The following GPC6 variants were observed in gnomAD, a reference collection of about 807,000 sequenced individuals.
The protein encoded by GPC6 is glypican 6, also known as glypican-6.
GPC6 carries 14 observed loss-of-function variants against 55.2 expected under a neutral mutation model. That is an observed-to-expected ratio of 0.25 (90% CI 0.17 to 0.40). GPC6 has a LOEUF of 0.40. Ranked by LOEUF, GPC6 falls within the 10% of genes least tolerant of loss-of-function variation. The pLI is 1.00. For missense variants in GPC6, 641 were observed against 708.5 expected (o/e 0.90, Z 1.08); for synonymous variants, 278 against 259.6 (o/e 1.07, Z -0.68).
chr13:93,581,907 TATC>T (rs1312286954), intron 2 of GPC6, among the ~76,000 whole-genome samples: 6 of 152,272 alleles, frequency 3.9e-5, no homozygotes, highest in Admixed American at 6.5e-5. Context: ...AGAGGCATGG[TATC>T]ATGAAATTGT....
At chr13:93,789,642 T>TATATAG (rs1885963542) in intron 2 of GPC6, among the ~76,000 whole-genome samples, 1 of 114,280 alleles carries the variant, frequency 8.8e-6, no homozygotes, top group Non-Finnish European at 1.8e-5. Flanking sequence ...TATATATATA[T>TATATAG]ATAGTATTCG....
At chr13:93,718,209 T>G (rs1883321169) in intron 2 of GPC6, among the ~76,000 whole-genome samples, 1 of 152,014 alleles carries the variant, frequency 6.6e-6, no homozygotes, top group Admixed American at 6.6e-5. Context: ...ATGGTTGAAC[T>G]AATTTACACT....
At chr13:94,393,171 G>A (rs1169090399) in intron 7 of GPC6, among the ~76,000 whole-genome samples, 1 of 152,156 alleles carries the variant, frequency 6.6e-6, no homozygotes, top group Non-Finnish European at 1.5e-5. Flanking sequence ...AACCACATGT[G>A]TTTCAGAATC....
At chr13:94,339,780 T>TTTTTG (rs1877931990) in intron 6 of GPC6, among the ~76,000 whole-genome samples, 1 of 125,704 alleles carries the variant, frequency 8.0e-6, no homozygotes, top group African/African-American at 2.8e-5. Context: ...TTTTTTTTTT[T>TTTTTG]GAGACAGAGT....
At chr13:94,015,424 C>A (rs994938485) in intron 3 of GPC6, among the ~76,000 whole-genome samples, 28 of 152,234 alleles carry the variant, frequency 1.8e-4, no homozygotes, top group African/African-American at 6.3e-4. Context: ...ATACTAGACT[C>A]TTATCAGATA....
chr13:93,496,139 A>C (rs1036485339), intron 1 of GPC6, among the ~76,000 whole-genome samples: 8 of 152,086 alleles, frequency 5.3e-5, no homozygotes, highest in African/African-American at 1.7e-4. Flanking sequence ...GCCTCCTTGC[A>C]GTTTGATCTC....
intron 2 of GPC6, among the ~76,000 whole-genome samples, chr13:93,554,532 A>G (rs568554387): frequency 6.6e-6 from 1 of 152,330 alleles, no homozygotes; most frequent in Non-Finnish European, 1.5e-5. Flanking sequence ...AATAAGGAAA[A>G]TATCCAAACC....
chr13:94,132,614 G>A (rs1887040691), intron 4 of GPC6, among the ~76,000 whole-genome samples: 1 of 152,034 alleles, frequency 6.6e-6, no homozygotes, highest in South Asian at 2.1e-4. Context: ...CAGCCTCCTG[G>A]GTCTTTAATA....
At chr13:93,504,078 A>G (rs138361863) in intron 1 of GPC6, among the ~76,000 whole-genome samples, 3 of 152,190 alleles carry the variant, frequency 2.0e-5, no homozygotes, top group Non-Finnish European at 4.4e-5. Flanking sequence ...TTTTCAAACT[A>G]TAAAGAAAGA....
At chr13:94,276,625 T>C (rs1342274589) in intron 4 of GPC6, among the ~76,000 whole-genome samples, 1 of 152,158 alleles carries the variant, frequency 6.6e-6, no homozygotes, top group Non-Finnish European at 1.5e-5. Context: ...GTGTTTGTTG[T>C]TCCCCTTCCT....
At chr13:93,348,006 A>T (rs1880488194) in intron 1 of GPC6, among the ~76,000 whole-genome samples, 1 of 152,210 alleles carries the variant, frequency 6.6e-6, no homozygotes, top group Non-Finnish European at 1.5e-5. Flanking sequence ...TACAGTTTTA[A>T]AGCCCCTTGA....
intron 1 of GPC6, among the ~76,000 whole-genome samples, chr13:93,402,608 C>G (rs1216342064): frequency 6.6e-6 from 1 of 152,196 alleles, no homozygotes; most frequent in Non-Finnish European, 1.5e-5. Context: ...CTACACCGTA[C>G]TGACAGTAGC....
At chr13:94,324,024 G>A (rs183766956) in intron 6 of GPC6, among the ~76,000 whole-genome samples, 10 of 152,274 alleles carry the variant, frequency 6.6e-5, no homozygotes, top group African/African-American at 2.4e-4. Context: ...CTGGCTTCCG[G>A]CATTGTTGTC....
At chr13:94,253,605 A>G (rs767282039) in intron 4 of GPC6, among the ~76,000 whole-genome samples, 2 of 152,074 alleles carry the variant, frequency 1.3e-5, no homozygotes, top group Non-Finnish European at 2.9e-5. Flanking sequence ...TGAATCTGTA[A>G]TCTTGGTACA....
intron 3 of GPC6, among the ~76,000 whole-genome samples, chr13:93,836,676 A>T (rs1887743757): frequency 6.6e-6 from 1 of 152,198 alleles, no homozygotes; most frequent in Non-Finnish European, 1.5e-5. Context: ...CTGCTGTCTT[A>T]TGATGGTATT....
Position 94,328,801 on chromosome 13 carries a change from C to T in GPC6, c.1152+22678C>T, listed in dbSNP as rs375519275. Among the ~76,000 whole-genome samples, 5 of 152,330 alleles carry T rather than the reference C, an allele frequency of 3.3e-5. No individual in the cohort carries two copies. The East Asian group carries it at 9.7e-4, about 29-fold the overall frequency. ...GGGCAGCCTGCTGTGGGAGGAGATG[C>T]TGGCTGGGGAGCCCCTGCATCACTA... is the stretch of plus-strand genomic sequence containing the variant. On this transcript the variant is annotated intron_variant, in intron 6 of 8. Coordinates refer to ENST00000377047, the MANE Select transcript of GPC6 (RefSeq NM_005708.5).
chr13:94,335,232 A>G (rs1877619852), intron 6 of GPC6, among the ~76,000 whole-genome samples: 1 of 152,230 alleles, frequency 6.6e-6, no homozygotes, highest in African/African-American at 2.4e-5. Context: ...AGATAAGGTG[A>G]TAGAGAGGAT....
At chr13:93,752,579 T>C (rs1884635560) in intron 2 of GPC6, among the ~76,000 whole-genome samples, 1 of 152,184 alleles carries the variant, frequency 6.6e-6, no homozygotes, top group Non-Finnish European at 1.5e-5. Flanking sequence ...CTAATTGATA[T>C]CTTTGGGAAA....
At chr13:93,595,891 T>A (rs765460522) in intron 2 of GPC6, among the ~76,000 whole-genome samples, 1 of 152,220 alleles carries the variant, frequency 6.6e-6, no homozygotes, top group African/African-American at 2.4e-5. Flanking sequence ...GTACAGTTGT[T>A]CCTCAATTTA....
Sources: allele counts gnomAD v4.1 joint callset (sites outside exome capture counted in the v4.1 genomes callset), GRCh38; gene constraint gnomAD v4.1.1; transcripts MANE v1.5; gene names NCBI Gene and HGNC (gene_info 2026-07-23, HGNC 2026-07-21).